ZNF140: variants seen among roughly 807,000 people sequenced by gnomAD.
ZNF140 encodes the protein zinc finger protein 140, also known as zinc finger protein 140 (clone pHZ-39).
A neutral mutation model predicts 12.9 loss-of-function variants in ZNF140; 13 were observed. That is an observed-to-expected ratio of 1.01 (90% CI 0.66 to 1.60). The LOEUF is 1.60. ZNF140 is among the 40% of genes most tolerant of loss of function. The probability of loss-of-function intolerance (pLI) is 0.00; values close to 1 mark genes in which losing one functional copy is unlikely to be tolerated. For synonymous variants in ZNF140, 214 were observed against 186.7 expected (o/e 1.15, Z -1.19); for missense variants, 531 against 548.8 (o/e 0.97, Z 0.32).
intron 4 of ZNF140, among the ~76,000 whole-genome samples, chr12:133,102,613 G>A (rs935797509): frequency 5.3e-5 from 8 of 152,036 alleles, no homozygotes; most frequent in Admixed American, 5.2e-4. Context: ...GCCAGGCGTG[G>A]CAGCGTGTGC....
chr12:133,090,789 A>C (rs966363794), intron 4 of ZNF140, among the ~76,000 whole-genome samples: 151 of 140,324 alleles, frequency 1.1e-3, no homozygotes, highest in South Asian at 7.2e-3. Context: ...AGGTCAGCAA[A>C]AAACATGTGA....
chr12:133,083,378 T>C (rs1391495454), intron 3 of ZNF140, 88 bp from the exon 4 acceptor site: 4 of 1,518,400 alleles, frequency 2.6e-6, no homozygotes, highest in East Asian at 4.6e-5. Flanking sequence ...TTTTTAGACA[T>C]TTTAAAAACT....
intron 4 of ZNF140, among the ~76,000 whole-genome samples, chr12:133,100,160 G>GTTTTTTTTTTTTTTTTTTT (rs58610589): frequency 1.6e-5 from 1 of 60,978 alleles, no homozygotes; most frequent in African/African-American, 7.9e-5. Context: ...TGCCTTTTCC[G>GTTTTTTTTTTTTTTTTTTT]TTTTTTTTTT....
rs140368289 is a variant in ZNF140 at position 133,106,243 on chromosome 12, C to T, written c.966C>T (p.Ile322=). ...RFSHLTRHQS[I]HTTKTPYECN... ...CACACCTTACTCGACATCAGAGCATCCATACAACCAAAACCCCGTATGAAT... is the reference window on the plus strand; with the variant it reads ...CACACCTTACTCGACATCAGAGCATTCATACAACCAAAACCCCGTATGAAT... The change falls in exon 5 of 5, where the codon ATC becomes ATT. Residue 322 remains isoleucine (I), a synonymous_variant. Coordinates refer to ENST00000355557, the MANE Select transcript of ZNF140 (RefSeq NM_003440.4). 3.4e-4 allele frequency: 548 copies of T among 1,614,142 alleles called. 1 individual carries two copies. The African/African-American group carries it at 6.5e-3, about 19-fold the overall frequency.
At chr12:133,087,524 C>A (rs202231346) in intron 4 of ZNF140, among the ~76,000 whole-genome samples, 109 of 144,858 alleles carry the variant, frequency 7.5e-4, no homozygotes, top group East Asian at 8.0e-4. Context: ...TTTGGCTAGT[C>A]AAAAAAAAAA....
At chr12:133,092,779 C>T (rs1226495400) in intron 4 of ZNF140, among the ~76,000 whole-genome samples, 2 of 151,082 alleles carry the variant, frequency 1.3e-5, no homozygotes, top group Non-Finnish European at 2.9e-5. Context: ...GGGCCTGGCC[C>T]GTACAATCAT....
In ZNF140 at chr12:133,107,416, G is replaced by T. The variant is rs543391803; in HGVS notation, c.*765G>T. The T allele has an allele frequency of 1.3e-5, 2 of 151,974 alleles. No homozygotes were observed. Among genetic ancestry groups the T allele is most frequent in the South Asian group, 4.1e-4 (2 of 4,820 alleles). 9.4% of individuals were successfully genotyped at this position (151,974 alleles called of 1,614,324 possible). ...AGAAAATGTTATAAATAAATCTTTTGGTTTATTATAAACCTTCTGCTTGCT... is the reference window on the plus strand; with the variant it reads ...AGAAAATGTTATAAATAAATCTTTTTGTTTATTATAAACCTTCTGCTTGCT... On this transcript the variant is annotated 3_prime_UTR_variant, in exon 5 of 5. Coordinates refer to ENST00000355557, the MANE Select transcript of ZNF140 (RefSeq NM_003440.4).
intron 4 of ZNF140, 73 bp downstream of exon 4, chr12:133,083,634 T>C: frequency 7.0e-7 from 1 of 1,424,692 alleles, no homozygotes; most frequent in Non-Finnish European, 9.7e-7. Flanking sequence ...GAATACTTTT[T>C]AATATGTTGA....
chr12:133,091,823 A>G (rs1328404030), intron 4 of ZNF140, among the ~76,000 whole-genome samples: 6 of 150,952 alleles, frequency 4.0e-5, no homozygotes, highest in Admixed American at 1.3e-4. Context: ...TGTTCTTTCA[A>G]TTTGGAAATA....
intron 2 of ZNF140, 41 bp downstream of exon 2, chr12:133,081,370 T>TATATATAA (rs1444173802): frequency 2.4e-4 from 56 of 235,960 alleles, no homozygotes; most frequent in Middle Eastern, 1.4e-3. Flanking sequence ...TATATATATA[T>TATATATAA]AAATTTTTAT....
chr12:133,093,938 C>G (rs951779293), intron 4 of ZNF140, among the ~76,000 whole-genome samples: 3 of 151,064 alleles, frequency 2.0e-5, no homozygotes, highest in Non-Finnish European at 4.4e-5. Context: ...TTTCCAGTCT[C>G]TCTGTCTGTT....
chr12:133,082,633 T>G (rs1954541445), intron 2 of ZNF140: 2 of 154,888 alleles, frequency 1.3e-5, no homozygotes, highest in East Asian at 1.9e-4. Context: ...TCTTTAGGAT[T>G]AGGGATAACT....
intron 4 of ZNF140, among the ~76,000 whole-genome samples, chr12:133,084,584 A>C (rs1033578408): frequency 2.6e-5 from 4 of 152,264 alleles, no homozygotes; most frequent in Admixed American, 6.5e-5. Flanking sequence ...CTAGAGAAAC[A>C]AAAGACAGAA....
chr12:133,090,213 CACTGCA>C, intron 4 of ZNF140, among the ~76,000 whole-genome samples: 1 of 152,260 alleles, frequency 6.6e-6, no homozygotes, highest in Non-Finnish European at 1.5e-5. Flanking sequence ...AATCGTAGCT[CACTGCA>C]ACGTAAATTT....
At chr12:133,084,470 G>T (rs891287891) in intron 4 of ZNF140, among the ~76,000 whole-genome samples, 1 of 152,200 alleles carries the variant, frequency 6.6e-6, no homozygotes. Flanking sequence ...CTAGTGATGT[G>T]TCTAAATAGC....
chr12:133,097,642 C>CAA (rs373060839), intron 4 of ZNF140, among the ~76,000 whole-genome samples: 7 of 133,294 alleles, frequency 5.3e-5, no homozygotes, highest in Admixed American at 7.8e-5. Context: ...GACTCTGTCT[C>CAA]AAAAAAAAAA....
chr12:133,105,872 A>T lies in ZNF140; in HGVS notation c.595A>T (p.Ser199Cys). Reference sequence around the variant, plus strand: ...ATGTAAGGAATGTGGCAAAACCTTTAGCCAGATTTCAAACCTTGTGAAACA... The same window carrying T: ...ATGTAAGGAATGTGGCAAAACCTTTTGCCAGATTTCAAACCTTGTGAAACA... ...YACKECGKTF[S>C]QISNLVKHQM... The change falls in exon 5 of 5, where the codon AGC (serine) becomes TGC (cysteine). Residue 199 changes from serine (S) to cysteine (C), a missense_variant. Physicochemically the swap from Ser to Cys is moderately radical, Grantham distance 112. Transcript: ENST00000355557. 6.2e-7 allele frequency: 1 copy of T among 1,614,172 alleles called. No individual in the cohort carries two copies. The highest frequency in any genetic ancestry group is 1.7e-5 in the Admixed American group (1 of 60,028).
At chr12:133,087,913 C>T (rs1954727443) in intron 4 of ZNF140, among the ~76,000 whole-genome samples, 1 of 151,982 alleles carries the variant, frequency 6.6e-6, no homozygotes, top group African/African-American at 2.4e-5. Flanking sequence ...GGCAGATCAC[C>T]TGAGGTCAGG....
At chr12:133,105,323 T>C (rs1253962170) in intron 4 of ZNF140, among the ~76,000 whole-genome samples, 187 bp from the exon 5 acceptor site, 7 of 152,234 alleles carry the variant, frequency 4.6e-5, no homozygotes, top group Non-Finnish European at 7.3e-5. Context: ...TATTTACCTA[T>C]ATGTCTATCT....
Sources: gnomAD v4.1 joint callset for allele counts (sites outside exome capture counted in the v4.1 genomes callset) on GRCh38, gnomAD v4.1.1 for gene constraint, MANE v1.5 for transcripts, NCBI Gene and HGNC (gene_info 2026-07-23, HGNC 2026-07-21) for gene names.